The following PITPNC1 variants were observed in gnomAD, a reference collection of about 807,000 sequenced individuals.
The protein encoded by PITPNC1 is phosphatidylinositol transfer protein cytoplasmic 1, also known as cytoplasmic phosphatidylinositol transfer protein 1.
Under a neutral mutation model 44.7 loss-of-function variants are expected in PITPNC1, and 18 were observed. The observed-to-expected ratio is 0.40, with a 90% CI of 0.28 to 0.60. The LOEUF is 0.60. Ranked by LOEUF, PITPNC1 falls within the 20% of genes least tolerant of loss-of-function variation. The probability of loss-of-function intolerance (pLI) is 0.39; values close to 1 mark genes in which losing one functional copy is unlikely to be tolerated. For missense variants in PITPNC1, 290 were observed against 418.4 expected (o/e 0.69, Z 2.68); for synonymous variants, 141 against 149.6 (o/e 0.94, Z 0.42).
intron 1 of PITPNC1, among the ~76,000 whole-genome samples, chr17:67,470,451 A>G (rs1199180056): frequency 6.6e-6 from 1 of 152,210 alleles, no homozygotes; most frequent in African/African-American, 2.4e-5. Context: ...CTTTTGCACT[A>G]AAGTCTTGCC....
Position 67,481,777 on chromosome 17 carries a change from T to TAAA in PITPNC1, c.49-51014_49-51012dup, listed in dbSNP as rs3052405. On this transcript the variant is annotated intron_variant, in intron 1 of 8. Coordinates refer to ENST00000581322, the MANE Select transcript of PITPNC1 (RefSeq NM_012417.4). Reference sequence around the variant, plus strand: ...TATACTCTGAAGCAATTTGAAGATTTAAAAAAAAAAAAAGGAAAGGTATAA... The same window carrying TAAA: ...TATACTCTGAAGCAATTTGAAGATTTAAAAAAAAAAAAAAAAGGAAAGGTATAA... Among the ~76,000 whole-genome samples the TAAA allele has an allele frequency of 4.4e-3, 643 of 146,436 alleles. 6 individuals are homozygous for TAAA. Among genetic ancestry groups the TAAA allele is most frequent in the Middle Eastern group, 0.014 (4 of 284 alleles).
chr17:67,449,890 A>G (rs2039152302), intron 1 of PITPNC1, among the ~76,000 whole-genome samples: 1 of 152,186 alleles, frequency 6.6e-6, no homozygotes, highest in Non-Finnish European at 1.5e-5. Context: ...GGGTCTCACT[A>G]TGTTGCTCAG....
chr17:67,635,405 G>T (rs889891840), intron 6 of PITPNC1, among the ~76,000 whole-genome samples: 4 of 152,142 alleles, frequency 2.6e-5, no homozygotes, highest in African/African-American at 9.7e-5. Flanking sequence ...GCAACTGATA[G>T]ATGGGGGTGC....
At chr17:67,522,635 T>C (rs1195912098) in intron 1 of PITPNC1, among the ~76,000 whole-genome samples, 2 of 150,070 alleles carry the variant, frequency 1.3e-5, no homozygotes, top group Admixed American at 6.7e-5. Context: ...CAAATATACA[T>C]ATCATAAAAT....
intron 4 of PITPNC1, among the ~76,000 whole-genome samples, chr17:67,566,647 A>G (rs1180532868): frequency 6.6e-6 from 1 of 152,264 alleles, no homozygotes; most frequent in Non-Finnish European, 1.5e-5. Flanking sequence ...GAAATGAATA[A>G]TTATTTCCCT....
chr17:67,555,234 C>T (rs2040820298), intron 4 of PITPNC1, among the ~76,000 whole-genome samples: 1 of 152,148 alleles, frequency 6.6e-6, no homozygotes, highest in African/African-American at 2.4e-5. Context: ...CGGAAGGATT[C>T]AGTGGTCTAC....
chr17:67,654,987 A>G (rs929107927), intron 6 of PITPNC1, among the ~76,000 whole-genome samples: 4 of 152,170 alleles, frequency 2.6e-5, no homozygotes, highest in Admixed American at 6.5e-5. Context: ...CCTCTGATCA[A>G]TTGTGCCAGA....
chr17:67,430,370 C>T (rs1203211541), intron 1 of PITPNC1, among the ~76,000 whole-genome samples: 2 of 151,908 alleles, frequency 1.3e-5, no homozygotes, highest in African/African-American at 4.8e-5. Flanking sequence ...AGTCTATAAT[C>T]CCAGCTACTT....
Position 67,462,225 on chromosome 17 carries a change from C to CTTTTTTTTT in PITPNC1, c.49-70563_49-70555dup, listed in dbSNP as rs549707875. 4.7e-3 allele frequency among the ~76,000 whole-genome samples: 338 copies of CTTTTTTTTT among 71,264 alleles called. 1 individual carries two copies. Among genetic ancestry groups the CTTTTTTTTT allele is most frequent in the African/African-American group, 8.8e-3 (142 of 16,096 alleles). The allele number at this position is 71,264 out of a possible 152,430, so 46.8% of individuals were successfully genotyped here. A position where few individuals can be genotyped will look rare whatever the true frequency, so the allele number is the denominator to read the frequency against. On this transcript the variant is annotated intron_variant, in intron 1 of 8. Transcript: ENST00000581322. ...CTTTTCTTTTTCTCTTTCTTTCTTTCTTTTTTTTTTTTTTTTTTTTTTCTG... is the reference window on the plus strand; with the variant it reads ...CTTTTCTTTTTCTCTTTCTTTCTTTCTTTTTTTTTTTTTTTTTTTTTTTTTTTTTTTCTG...
In PITPNC1 at chr17:67,378,066, G is replaced by A. The variant is rs1404500502; in HGVS notation, c.-89G>A. 4 of 793,978 alleles carry A rather than the reference G, an allele frequency of 5.0e-6. No homozygotes were observed. Among genetic ancestry groups the A allele is most frequent in the Non-Finnish European group, 5.5e-6 (3 of 549,242 alleles). The allele number at this position is 793,978 out of a possible 1,614,324, so 49.2% of individuals were successfully genotyped here. ...CTCCGGCTCCGAGCGCCGGGCTCCG[G>A]GCGCCCTGCCCTGCGCCTGGGCAGC... On this transcript the variant is annotated 5_prime_UTR_variant, in exon 1 of 9. Transcript: ENST00000581322.
rs796278390 is a variant in PITPNC1 at position 67,530,085 on chromosome 17, C to CTTT, written c.49-2695_49-2693dup. On this transcript the variant is annotated intron_variant, in intron 1 of 8. Transcript: ENST00000581322. ...ATCCGGTTCGGACCTCAACCCTTGG[C>CTTT]TTTTTTTTTTTTTTTTTTTTTTTTG... Among the ~76,000 whole-genome samples, 518 of 71,222 alleles carry CTTT rather than the reference C, an allele frequency of 7.3e-3. 9 individuals carry two copies. The highest frequency in any genetic ancestry group is 0.019 in the Middle Eastern group (1 of 52). 46.7% of individuals were successfully genotyped at this position (71,222 alleles called of 152,430 possible).
At chr17:67,390,854 T>C (rs953779291) in intron 1 of PITPNC1, among the ~76,000 whole-genome samples, 2 of 152,190 alleles carry the variant, frequency 1.3e-5, no homozygotes, top group African/African-American at 4.8e-5. Flanking sequence ...TATACAAGAC[T>C]GTTTGTTGAC....
chr17:67,531,203 A>T (rs1326986531), intron 1 of PITPNC1, among the ~76,000 whole-genome samples: 1 of 152,200 alleles, frequency 6.6e-6, no homozygotes, highest in African/African-American at 2.4e-5. Flanking sequence ...AGATCACACC[A>T]CTGTAGTCCC....
intron 1 of PITPNC1, among the ~76,000 whole-genome samples, chr17:67,438,137 G>A (rs2038962396): frequency 6.6e-6 from 1 of 152,128 alleles, no homozygotes; most frequent in Non-Finnish European, 1.5e-5. Flanking sequence ...AGACAGGGCT[G>A]TGTCTGACCT....
rs2040137095 is a variant in PITPNC1, at chr17:67,508,577, T to G, written c.49-24225T>G. ...CACGCCGACCTTCTGTCTCATCCTG[T>G]GACTTAGAATGCCTTAACTCTCTGG... On this transcript the variant is annotated intron_variant, in intron 1 of 8. Transcript: ENST00000581322. The surrounding 1 kb of genome is among the most constrained non-coding windows in gnomAD (Gnocchi z 4.2). 6.6e-6 allele frequency among the ~76,000 whole-genome samples: 1 copy of G among 152,234 alleles called. No individual in the cohort carries two copies. The highest frequency in any genetic ancestry group is 2.4e-5 in the African/African-American group (1 of 41,458).
intron 5 of PITPNC1, among the ~76,000 whole-genome samples, chr17:67,627,015 T>C (rs565008316): frequency 2.0e-5 from 3 of 151,824 alleles, no homozygotes; most frequent in East Asian, 1.9e-4. Flanking sequence ...CCCAGCACTT[T>C]GGGAGGCCAA....
chr17:67,513,359 ATATCTATATCTATATC>A (rs1465350256), intron 1 of PITPNC1, among the ~76,000 whole-genome samples: 1,114 of 9,202 alleles, frequency 0.12, 9 homozygotes, highest in Middle Eastern at 0.25. Flanking sequence ...GTCTGTATCT[ATATCTATATCTATATC>A]TATATCTATA....
At chr17:67,465,985 C>A (rs1459291414) in intron 1 of PITPNC1, among the ~76,000 whole-genome samples, 1 of 138,852 alleles carries the variant, frequency 7.2e-6, no homozygotes, top group African/African-American at 2.8e-5. Flanking sequence ...CAGGCAAGGT[C>A]GGCCTTTATT....
At chr17:67,592,929 T>C (rs572265305) in intron 5 of PITPNC1, among the ~76,000 whole-genome samples, 1 of 152,270 alleles carries the variant, frequency 6.6e-6, no homozygotes, top group South Asian at 2.1e-4. Flanking sequence ...CTCCAGCTAC[T>C]TGTGAGACTG....
Sources: gnomAD v4.1 joint callset for allele counts (sites outside exome capture counted in the v4.1 genomes callset) on GRCh38, gnomAD v4.1.1 for gene constraint, Gnocchi (gnomAD v3.1) non-coding constraint, MANE v1.5 for transcripts, NCBI Gene and HGNC (gene_info 2026-07-23, HGNC 2026-07-21) for gene names.